PTGFR: variants seen among roughly 807,000 people sequenced by gnomAD.
PTGFR encodes the protein prostaglandin F2-alpha receptor.
PTGFR carries 15 observed loss-of-function variants against 26.2 expected under a neutral mutation model. The observed-to-expected ratio is 0.57, with a 90% CI of 0.38 to 0.88. PTGFR has a LOEUF of 0.88. Ranked by LOEUF, PTGFR falls within the 40% of genes least tolerant of loss-of-function variation. PTGFR has a pLI of 0.00. For synonymous variants in PTGFR, 165 were observed against 151.1 expected (o/e 1.09, Z -0.68); for missense variants, 369 against 427.2 (o/e 0.86, Z 1.20).
intron 2 of PTGFR, among the ~76,000 whole-genome samples, chr1:78,496,223 A>G (rs1649549292): frequency 1.3e-5 from 2 of 152,220 alleles, no homozygotes; most frequent in Admixed American, 1.3e-4. Flanking sequence ...AAGAATCTCA[A>G]AATAACATCC....
chr1:78,493,042 G>A lies in PTGFR; in HGVS notation c.299G>A (p.Arg100His), dbSNP rs751233611. 34 of 1,614,104 alleles carry A rather than the reference G, an allele frequency of 2.1e-5. No homozygotes were observed. Among genetic ancestry groups the A allele is most frequent in the African/African-American group, 5.3e-5 (4 of 74,936 alleles). Residue 100 changes from arginine to histidine, a missense_variant, in exon 2 of 3, where the codon CGC becomes CAC. By Grantham distance (29) the Arg-to-His change is conservative. Transcript: ENST00000370757. ...TATGCTTCTGATAAAGAATGGATCC[G>A]CTTTGACCAATCAAATGTCCTTTGC... ...FVYASDKEWI[R>H]FDQSNVLCSI...
intron 2 of PTGFR, among the ~76,000 whole-genome samples, chr1:78,502,739 A>G (rs1165539934): frequency 2.0e-5 from 3 of 152,178 alleles, no homozygotes; most frequent in Non-Finnish European, 4.4e-5. Context: ...TATTGATTTG[A>G]CAAACATTTA....
chr1:78,524,610 T>G (rs1023050052), intron 2 of PTGFR, among the ~76,000 whole-genome samples: 3 of 152,078 alleles, frequency 2.0e-5, no homozygotes, highest in African/African-American at 7.2e-5. Flanking sequence ...CTACCTTAGC[T>G]AGTGAACAAT....
At position 78,538,717 on chromosome 1, in the gene PTGFR, A is replaced by G. The variant is rs755362970; in HGVS notation, c.*2030A>G. On this transcript the variant is annotated 3_prime_UTR_variant, in exon 3 of 3. Transcript: ENST00000370757. ...ATAATAGACTGGAACATCTACCAAT[A>G]ACTTTCACATAAATGTTCAAAATAG... 8 of 152,108 alleles carry G rather than the reference A, an allele frequency of 5.3e-5. No individual in the cohort carries two copies. The highest frequency in any genetic ancestry group is 1.0e-4 in the Non-Finnish European group (7 of 68,008). The allele number at this position is 152,108 out of a possible 1,614,324, so 9.4% of individuals were successfully genotyped here.
intron 2 of PTGFR, 79 bp downstream of exon 2, chr1:78,493,620 T>C: frequency 7.3e-7 from 1 of 1,365,914 alleles, no homozygotes; most frequent in African/African-American, 1.4e-5. Context: ...GTTCAGTCTT[T>C]TAAATGCTGA....
At chr1:78,526,238 A>G (rs1016910071) in intron 2 of PTGFR, among the ~76,000 whole-genome samples, 10 of 152,150 alleles carry the variant, frequency 6.6e-5, no homozygotes, top group Non-Finnish European at 1.3e-4. Flanking sequence ...AAGATAATTA[A>G]TGCTTTCTTT....
In PTGFR at chr1:78,537,787, C is replaced by A. The variant is rs1392561435; in HGVS notation, c.*1100C>A. 1 of 152,102 alleles carries A rather than the reference C, an allele frequency of 6.6e-6. No homozygotes were observed. Among genetic ancestry groups the A allele is most frequent in the Non-Finnish European group, 1.5e-5 (1 of 67,994 alleles). 9.4% of individuals were successfully genotyped at this position (152,102 alleles called of 1,614,324 possible). A position where few individuals can be genotyped will look rare whatever the true frequency, so the allele number is the denominator to read the frequency against. ...AGGGGAAGACTGGCAATTTGCCAAG[C>A]ACTTGGGGATTATTATAACAATTAA... is the stretch of plus-strand genomic sequence containing the variant. On this transcript the variant is annotated 3_prime_UTR_variant, in exon 3 of 3. Coordinates refer to ENST00000370757, the MANE Select transcript of PTGFR (RefSeq NM_000959.4).
At chr1:78,502,453 T>A (rs1342304409) in intron 2 of PTGFR, among the ~76,000 whole-genome samples, 1 of 152,136 alleles carries the variant, frequency 6.6e-6, no homozygotes, top group African/African-American at 2.4e-5. Context: ...TAAAGTGAAA[T>A]AAGTAGTAAT....
Position 78,524,153 on chromosome 1 carries a change from G to A in PTGFR, c.799-12253G>A, listed in dbSNP as rs117953482. On this transcript the variant is annotated intron_variant, in intron 2 of 2. Transcript: ENST00000370757. ...AGAAAAGAATGACATCACATGATGAGGGCACTTGTTCAAGGGTGTGAACCT... is the reference window on the plus strand; with the variant it reads ...AGAAAAGAATGACATCACATGATGAAGGCACTTGTTCAAGGGTGTGAACCT... 3.6e-4 allele frequency among the ~76,000 whole-genome samples: 55 copies of A among 151,996 alleles called. No homozygotes were observed. The East Asian group carries it at 0.01, about 28-fold the overall frequency.
At chr1:78,501,268 A>C (rs1374298329) in intron 2 of PTGFR, among the ~76,000 whole-genome samples, 2 of 152,208 alleles carry the variant, frequency 1.3e-5, no homozygotes, top group African/African-American at 4.8e-5. Context: ...TATTTGCTTA[A>C]GACTTATCTT....
chr1:78,516,570 T>A (rs1650094500), intron 2 of PTGFR, among the ~76,000 whole-genome samples: 1 of 152,174 alleles, frequency 6.6e-6, no homozygotes, highest in African/African-American at 2.4e-5. Context: ...TTAAAAGTAA[T>A]TTTTGCTTCT....
In PTGFR at chr1:78,492,682, T is replaced by C. The variant is rs146621158; in HGVS notation, c.-62T>C. Reference sequence around the variant, plus strand: ...CCCTTTATCCTACAGATGTCTGGACTGCAATCCTGCACAGTTTTGAGAGGG... The same window carrying C: ...CCCTTTATCCTACAGATGTCTGGACCGCAATCCTGCACAGTTTTGAGAGGG... On this transcript the variant is annotated 5_prime_UTR_variant, in exon 2 of 3. Transcript: ENST00000370757. The C allele has an allele frequency of 5.7e-4, 833 of 1,467,706 alleles. 9 individuals carry two copies. The African/African-American group carries it at 8.8e-3, about 16-fold the overall frequency. 90.9% of individuals were successfully genotyped at this position (1,467,706 alleles called of 1,614,324 possible). A position where few individuals can be genotyped will look rare whatever the true frequency, so the allele number is the denominator to read the frequency against.
chr1:78,530,157 T>G lies in PTGFR; in HGVS notation c.799-6249T>G, dbSNP rs191385357. On this transcript the variant is annotated intron_variant, in intron 2 of 2. Coordinates refer to ENST00000370757, the MANE Select transcript of PTGFR (RefSeq NM_000959.4). ...GTACTGAGCATTGTTTTATTCCATC[T>G]ATCACTATTAGTGAATCTATTAGTG... 5.5e-3 allele frequency among the ~76,000 whole-genome samples: 837 copies of G among 152,338 alleles called. 5 individuals are homozygous for G. The highest frequency in any genetic ancestry group is 0.011 in the South Asian group (51 of 4,832).
At chr1:78,514,554 G>A (rs931665689) in intron 2 of PTGFR, among the ~76,000 whole-genome samples, 6 of 152,144 alleles carry the variant, frequency 3.9e-5, no homozygotes, top group African/African-American at 1.4e-4. Context: ...ATCTCCAGAT[G>A]AGACTTTGGA....
chr1:78,511,547 C>T (rs918677670), intron 2 of PTGFR, among the ~76,000 whole-genome samples: 5 of 151,926 alleles, frequency 3.3e-5, no homozygotes, highest in Middle Eastern at 3.4e-3. Context: ...TCCTGGCTCC[C>T]GAAACCATTC....
chr1:78,514,270 A>G (rs942852476), intron 2 of PTGFR, among the ~76,000 whole-genome samples: 13 of 152,180 alleles, frequency 8.5e-5, no homozygotes, highest in African/African-American at 3.1e-4. Context: ...GCATCTTGCA[A>G]AGCCACAGGG....
chr1:78,511,014 G>A (rs1649954866), intron 2 of PTGFR, among the ~76,000 whole-genome samples: 1 of 152,186 alleles, frequency 6.6e-6, no homozygotes, highest in Non-Finnish European at 1.5e-5. Context: ...GCTCCCAAGG[G>A]CTGAGGAAAA....
rs186107360 is a variant in PTGFR, at chr1:78,538,048, G to T, written c.*1361G>T. On this transcript the variant is annotated 3_prime_UTR_variant, in exon 3 of 3. Coordinates refer to ENST00000370757, the MANE Select transcript of PTGFR (RefSeq NM_000959.4). ...TTTAAAAATTAATCTTCCCTGTTAG[G>T]CTGATTTCAGATTCTCTAGGAAATC... 1.7e-4 allele frequency: 26 copies of T among 152,130 alleles called. No homozygotes were observed. Among genetic ancestry groups the T allele is most frequent in the African/African-American group, 6.3e-4 (26 of 41,522 alleles). The allele number at this position is 152,130 out of a possible 1,614,324, so 9.4% of individuals were successfully genotyped here.
Position 78,520,865 on chromosome 1 carries a change from G to A in PTGFR, c.799-15541G>A, listed in dbSNP as rs12097384. 3.6e-3 allele frequency among the ~76,000 whole-genome samples: 554 copies of A among 152,178 alleles called. 2 individuals carry two copies. Among genetic ancestry groups the A allele is most frequent in the African/African-American group, 0.012 (505 of 41,528 alleles). ...ATTGCTGTTTTTTGTTACTTGGGGT[G>A]TGAGAATCAAGTTCCATGAGGGACT... On this transcript the variant is annotated intron_variant, in intron 2 of 2. Transcript: ENST00000370757.
Sources: gnomAD v4.1 joint callset for allele counts (sites outside exome capture counted in the v4.1 genomes callset) on GRCh38, gnomAD v4.1.1 for gene constraint, MANE v1.5 for transcripts, NCBI Gene and HGNC (gene_info 2026-07-23, HGNC 2026-07-21) for gene names.